MAML3: variants seen among roughly 807,000 people sequenced by gnomAD.
MAML3 encodes mastermind like transcriptional coactivator 3, also known as mastermind-like protein 3.
Under a neutral mutation model 101.9 loss-of-function variants are expected in MAML3, and 27 were observed. The observed-to-expected ratio is 0.27, with a 90% confidence interval of 0.20 to 0.37. The LOEUF (loss-of-function observed/expected upper bound fraction) is 0.37, where lower values mean the gene tolerates loss of function less well. MAML3 is among the 10% of genes least tolerant of loss of function. The pLI is 1.00. For missense variants in MAML3, 1,316 were observed against 1,444.9 expected (o/e 0.91, Z 1.45); for synonymous variants, 501 against 555.9 (o/e 0.90, Z 1.39).
intron 1 of MAML3, among the ~76,000 whole-genome samples, chr4:140,068,706 T>G (rs1727580117): frequency 6.6e-6 from 1 of 152,230 alleles, no homozygotes; most frequent in African/African-American, 2.4e-5. Context: ...TATCTCATAT[T>G]GCTGTGAGGA....
chr4:139,719,211 C>G lies in MAML3; in HGVS notation c.*112G>C. ...CCATTGTCAGCCAGCTGCAGTTTTG[C>G]TCAGTTTACGTGGGTCAAAAAAACA... On this transcript the variant is annotated 3_prime_UTR_variant, in exon 5 of 5. Coordinates refer to ENST00000509479, the MANE Select transcript of MAML3 (RefSeq NM_018717.5). 7.8e-7 allele frequency: 1 copy of G among 1,279,944 alleles called. No individual in the cohort carries two copies. The highest frequency in any genetic ancestry group is 1.0e-6 in the Non-Finnish European group (1 of 953,958). 79.3% of individuals were successfully genotyped at this position (1,279,944 alleles called of 1,614,324 possible).
At chr4:139,817,143 G>T (rs1578615046) in intron 2 of MAML3, among the ~76,000 whole-genome samples, 1 of 152,154 alleles carries the variant, frequency 6.6e-6, no homozygotes, top group African/African-American at 2.4e-5. Context: ...GCCATAGCTG[G>T]TTCTGATCCT....
chr4:139,807,342 T>C (rs537614317), intron 2 of MAML3, among the ~76,000 whole-genome samples: 5 of 152,308 alleles, frequency 3.3e-5, no homozygotes, highest in South Asian at 2.1e-4. Flanking sequence ...GTGGACCTTA[T>C]AGATTAAAGC....
chr4:140,144,266 G>C (rs375602738), intron 1 of MAML3, among the ~76,000 whole-genome samples: 16 of 152,114 alleles, frequency 1.1e-4, no homozygotes, highest in African/African-American at 3.4e-4. Context: ...ATGAATTAAG[G>C]CCGGGCTCAG....
intron 1 of MAML3, among the ~76,000 whole-genome samples, chr4:140,058,606 CTTAGTA>C (rs1727392933): frequency 7.4e-6 from 1 of 135,700 alleles, no homozygotes; most frequent in African/African-American, 2.5e-5. Context: ...TCTATATTTT[CTTAGTA>C]TTTGTATCTT....
chr4:139,892,481 T>C (rs1489140733), intron 1 of MAML3, among the ~76,000 whole-genome samples: 2 of 152,146 alleles, frequency 1.3e-5, no homozygotes, highest in Admixed American at 1.3e-4. Flanking sequence ...TCTTACTAGA[T>C]TGTTGCAGCC....
chr4:140,003,465 A>G (rs1164010188), intron 1 of MAML3, among the ~76,000 whole-genome samples: 1 of 152,166 alleles, frequency 6.6e-6, no homozygotes, highest in Admixed American at 6.5e-5. Flanking sequence ...ACAAGCAGAC[A>G]TGAGAATCCT....
intron 2 of MAML3, among the ~76,000 whole-genome samples, chr4:139,739,810 T>A (rs13126132): frequency 0.41 from 61,595 of 150,748 alleles, 13,638 homozygotes; most frequent in Middle Eastern, 0.57. Flanking sequence ...TTTATTTTTA[T>A]ACTTTTTCAA....
chr4:139,921,961 C>T (rs1578598180), intron 1 of MAML3, among the ~76,000 whole-genome samples: 1 of 152,316 alleles, frequency 6.6e-6, no homozygotes, highest in African/African-American at 2.4e-5. Flanking sequence ...CCAAGTGTGC[C>T]TTCTAAGCTC....
intron 1 of MAML3, among the ~76,000 whole-genome samples, chr4:140,054,286 T>C (rs963642722): frequency 6.8e-6 from 1 of 146,614 alleles, no homozygotes; most frequent in South Asian, 2.1e-4. Flanking sequence ...GGAGAATCAC[T>C]GGAACCCAGG....
At chr4:140,073,156 G>A (rs76977733) in intron 1 of MAML3, among the ~76,000 whole-genome samples, 2 of 127,482 alleles carry the variant, frequency 1.6e-5, no homozygotes, top group African/African-American at 5.9e-5. Context: ...TTTTTTTTTT[G>A]AGATACAGTC....
chr4:139,775,322 A>AC lies in MAML3; in HGVS notation c.2080-44656dup, dbSNP rs565935341. On this transcript the variant is annotated intron_variant, in intron 2 of 4. Coordinates refer to ENST00000509479, the MANE Select transcript of MAML3 (RefSeq NM_018717.5). ...AGAAGAGAAAAGGCTGTGCAAAATA[A>AC]CCCCCTACAGGATAAACTGTGGGGT... Among the ~76,000 whole-genome samples the AC allele has an allele frequency of 9.2e-5, 14 of 152,260 alleles. No homozygotes were observed. In the South Asian group the frequency reaches 2.5e-3, roughly 27 times the overall value.
intron 1 of MAML3, among the ~76,000 whole-genome samples, chr4:140,094,731 G>T (rs185459349): frequency 6.6e-6 from 1 of 152,118 alleles, no homozygotes; most frequent in Non-Finnish European, 1.5e-5. Context: ...GTAAAAATGC[G>T]GCTTCAAGCT....
At chr4:140,078,322 G>A (rs1303206177) in intron 1 of MAML3, among the ~76,000 whole-genome samples, 1 of 152,152 alleles carries the variant, frequency 6.6e-6, no homozygotes, top group Non-Finnish European at 1.5e-5. Context: ...GGAGCCGTAC[G>A]ACCCTTGCTT....
chr4:140,081,966 G>A (rs952604571), intron 1 of MAML3, among the ~76,000 whole-genome samples: 1 of 152,148 alleles, frequency 6.6e-6, no homozygotes, highest in Non-Finnish European at 1.5e-5. Flanking sequence ...TTTAAGAAAT[G>A]TCAAGGGGCA....
chr4:139,949,760 A>C (rs148233993), intron 1 of MAML3, among the ~76,000 whole-genome samples: 15 of 152,252 alleles, frequency 9.9e-5, no homozygotes, highest in African/African-American at 2.9e-4. Context: ...GTGATGGTTC[A>C]TTTTAGTTGT....
chr4:139,874,481 C>A (rs1437354734), intron 2 of MAML3, among the ~76,000 whole-genome samples: 1 of 151,968 alleles, frequency 6.6e-6, no homozygotes, highest in African/African-American at 2.4e-5. Flanking sequence ...TGTTTACAGT[C>A]CCTGTCTATA....
intron 4 of MAML3, among the ~76,000 whole-genome samples, chr4:139,721,789 T>G (rs916615349): frequency 5.9e-5 from 9 of 152,192 alleles, no homozygotes; most frequent in African/African-American, 2.2e-4. Context: ...CTTCATTATA[T>G]CTAAGTGATT....
intron 1 of MAML3, among the ~76,000 whole-genome samples, chr4:140,098,718 C>T (rs1728201007): frequency 1.3e-5 from 2 of 152,248 alleles, no homozygotes; most frequent in South Asian, 4.1e-4. Context: ...CATGTGGCTA[C>T]TGGTCTGCAT....
Sources: gnomAD v4.1 joint callset for allele counts (sites outside exome capture counted in the v4.1 genomes callset) on GRCh38, gnomAD v4.1.1 for gene constraint, MANE v1.5 for transcripts, NCBI Gene and HGNC (gene_info 2026-07-23, HGNC 2026-07-21) for gene names.